Variants in TTLL11 observed in about 807,000 individuals in gnomAD.
TTLL11 encodes the protein tubulin polyglutamylase TTLL11.
In TTLL11, 42 loss-of-function variants were observed where a neutral mutation model predicts 51.7. That is an observed-to-expected ratio of 0.81 (90% CI 0.64 to 1.05). The LOEUF is 1.05. TTLL11 is among the 50% of genes least tolerant of loss of function. TTLL11 has a pLI of 0.00. For synonymous variants in TTLL11, 381 were observed against 383.5 expected (o/e 0.99, Z 0.08); for missense variants, 799 against 940.4 (o/e 0.85, Z 1.97).
intron 8 of TTLL11, among the ~76,000 whole-genome samples, chr9:121,839,195 C>T (rs1320415558): frequency 6.6e-6 from 1 of 152,228 alleles, no homozygotes; most frequent in Non-Finnish European, 1.5e-5. Flanking sequence ...TAATTACATG[C>T]AATTTCTGCG....
At chr9:122,014,752 T>A (rs1843914792) in intron 3 of TTLL11, among the ~76,000 whole-genome samples, 1 of 152,226 alleles carries the variant, frequency 6.6e-6, no homozygotes, top group Non-Finnish European at 1.5e-5. Flanking sequence ...GTGGGCCAGT[T>A]ACTCAACCCT....
chr9:121,959,075 G>C (rs988058542), intron 6 of TTLL11, among the ~76,000 whole-genome samples: 2 of 152,156 alleles, frequency 1.3e-5, no homozygotes, highest in Admixed American at 1.3e-4. Flanking sequence ...ATATGCAAAG[G>C]GCACCTTGAA....
At chr9:121,943,001 G>A (rs552632882) in intron 6 of TTLL11, among the ~76,000 whole-genome samples, 20 of 152,250 alleles carry the variant, frequency 1.3e-4, no homozygotes, top group African/African-American at 4.1e-4. Context: ...GACCCTTGGC[G>A]CTGGCAGTCC....
intron 1 of TTLL11, among the ~76,000 whole-genome samples, chr9:122,091,090 C>T (rs1195274151): frequency 2.0e-5 from 3 of 152,166 alleles, no homozygotes; most frequent in African/African-American, 7.2e-5. Flanking sequence ...AATGAGTGAA[C>T]GAACCTGGGC....
intron 6 of TTLL11, among the ~76,000 whole-genome samples, chr9:121,874,923 A>AT (rs368885206): frequency 1.0e-4 from 15 of 149,732 alleles, no homozygotes; most frequent in Admixed American, 4.7e-4. Context: ...TGTCTGGCTA[A>AT]TTTTTTTTTT....
chr9:121,828,415 T>C (rs1372147316), intron 8 of TTLL11, among the ~76,000 whole-genome samples: 1 of 152,082 alleles, frequency 6.6e-6, no homozygotes, highest in Non-Finnish European at 1.5e-5. Flanking sequence ...CCTCAACTGA[T>C]CCGCCCACCT....
In TTLL11 at chr9:121,822,697, G is replaced by C; in HGVS notation, c.2023C>G (p.Arg675Gly). ...GGGGAGGGCTCCTGGGGAGGGCCACGGTGTGGGGGCCGGCCCCCCGACGGG... is the reference window on the plus strand; with the variant it reads ...GGGGAGGGCTCCTGGGGAGGGCCACCGTGTGGGGGCCGGCCCCCCGACGGG... ...GVPSGGRPPHRGPPQEPSPSA... is the reference protein window; with the variant it reads ...GVPSGGRPPHGGPPQEPSPSA... The change falls in exon 9 of 9, where the codon CGT (arginine) becomes GGT (glycine). Residue 675 changes from arginine to glycine, a missense_variant. Around this residue, in one of 3 missense-constraint regions of TTLL11, gnomAD observed 165 missense variants for 166.1 expected, o/e 0.99. Transcript: ENST00000321582. This position sits in a 1 kb window ranked among gnomAD's most constrained non-coding sequence, Gnocchi z 5.8. The C allele has an allele frequency of 6.5e-7, 1 of 1,549,298 alleles. No homozygotes were observed. The highest frequency in any genetic ancestry group is 8.7e-7 in the Non-Finnish European group (1 of 1,146,526).
intron 6 of TTLL11, among the ~76,000 whole-genome samples, chr9:121,923,982 G>C (rs1192294416): frequency 6.6e-6 from 1 of 152,090 alleles, no homozygotes; most frequent in African/African-American, 2.4e-5. Flanking sequence ...ACTTATTAAG[G>C]GGAAAACCCT....
chr9:121,954,697 C>CAG (rs1841967124), intron 6 of TTLL11, among the ~76,000 whole-genome samples: 1 of 147,996 alleles, frequency 6.8e-6, no homozygotes, highest in South Asian at 2.1e-4. Flanking sequence ...CACACACACA[C>CAG]AGACACACAC....
At chr9:121,969,846 A>G (rs1166222663) in intron 6 of TTLL11, among the ~76,000 whole-genome samples, 1 of 152,214 alleles carries the variant, frequency 6.6e-6, no homozygotes, top group Non-Finnish European at 1.5e-5. Context: ...GTGCAGCATA[A>G]ATCAGGTAAT....
chr9:121,891,913 C>T lies in TTLL11; in HGVS notation c.1482-21165G>A, dbSNP rs563196705. On this transcript the variant is annotated intron_variant, in intron 6 of 8. Coordinates refer to ENST00000321582, the MANE Select transcript of TTLL11 (RefSeq NM_001139442.2). Reference sequence around the variant, plus strand: ...CCTCACCATTATCATCATATATATACGTGTGTGTATATATATGATGATAAT... The same window carrying T: ...CCTCACCATTATCATCATATATATATGTGTGTGTATATATATGATGATAAT... Among the ~76,000 whole-genome samples the T allele has an allele frequency of 9.4e-4, 140 of 149,128 alleles. 1 individual carries two copies. Among genetic ancestry groups the T allele is most frequent in the African/African-American group, 3.2e-3 (131 of 40,746 alleles).
chr9:121,880,463 C>T (rs1838744909), intron 6 of TTLL11, among the ~76,000 whole-genome samples: 1 of 152,200 alleles, frequency 6.6e-6, no homozygotes, highest in Non-Finnish European at 1.5e-5. Flanking sequence ...ATCAACCATT[C>T]CTTTCTCTAT....
chr9:122,025,596 G>A (rs1355017098), intron 3 of TTLL11, among the ~76,000 whole-genome samples: 1 of 152,154 alleles, frequency 6.6e-6, no homozygotes, highest in Non-Finnish European at 1.5e-5. Context: ...CTCCATCCTG[G>A]GGGACAGAGC....
Position 121,974,998 on chromosome 9 carries a change from A to G in TTLL11, c.1270-19T>C, listed in dbSNP as rs1842666273. On this transcript the variant is annotated intron_variant, in intron 4 of 8. Transcript: ENST00000321582. ...CTAAAATCTGGGCAGGATAAACACA[A>G]TTCAGAATTACTGTCTCTATTGAGT... The G allele has an allele frequency of 2.0e-6, 3 of 1,493,096 alleles. No individual in the cohort carries two copies. The highest frequency in any genetic ancestry group is 2.8e-5 in the African/African-American group (2 of 70,458). 92.5% of individuals were successfully genotyped at this position (1,493,096 alleles called of 1,614,324 possible).
intron 8 of TTLL11, among the ~76,000 whole-genome samples, chr9:121,838,709 A>T (rs968673697): frequency 6.6e-6 from 1 of 152,136 alleles, no homozygotes; most frequent in Non-Finnish European, 1.5e-5. Flanking sequence ...ACAGAGTAAG[A>T]TTCTGTCAAG....
chr9:121,994,371 A>C (rs1297960792), intron 3 of TTLL11, among the ~76,000 whole-genome samples: 2 of 152,244 alleles, frequency 1.3e-5, no homozygotes, highest in Non-Finnish European at 2.9e-5. Context: ...TAATACCACC[A>C]CCACGAATAA....
intron 1 of TTLL11, among the ~76,000 whole-genome samples, chr9:122,060,067 G>A (rs1287722813): frequency 1.3e-5 from 2 of 152,140 alleles, no homozygotes; most frequent in Non-Finnish European, 2.9e-5. Flanking sequence ...ACTCTTCCTT[G>A]AAAGGGCTGG....
At chr9:121,879,970 A>G (rs989006438) in intron 6 of TTLL11, among the ~76,000 whole-genome samples, 4 of 152,222 alleles carry the variant, frequency 2.6e-5, no homozygotes, top group African/African-American at 9.6e-5. Context: ...GTGTTTAAAA[A>G]AAGAAAAAGA....
At chr9:122,054,565 T>G (rs1845242814) in intron 1 of TTLL11, among the ~76,000 whole-genome samples, 1 of 152,238 alleles carries the variant, frequency 6.6e-6, no homozygotes, top group East Asian at 1.9e-4. Context: ...TATGTTCTTT[T>G]TCCACTTTCC....
Sources: allele counts gnomAD v4.1 joint callset (sites outside exome capture counted in the v4.1 genomes callset), GRCh38; gene constraint gnomAD v4.1.1; regional missense constraint gnomAD v4.1.1; non-coding constraint Gnocchi (gnomAD v3.1); transcripts MANE v1.5; gene names NCBI Gene and HGNC (gene_info 2026-07-23, HGNC 2026-07-21).